Variants in PLXNB1 observed in about 807,000 individuals in gnomAD.
PLXNB1 encodes the protein plexin-B1.
PLXNB1 carries 106 observed loss-of-function variants against 209.4 expected under a neutral mutation model. The ratio of observed to expected loss-of-function variants is 0.51; its 90% CI spans 0.43 to 0.59. The LOEUF (loss-of-function observed/expected upper bound fraction) is 0.59, where lower values mean the gene tolerates loss of function less well. Ranked by LOEUF, PLXNB1 falls within the 20% of genes least tolerant of loss-of-function variation. The pLI, the probability that PLXNB1 is intolerant of heterozygous loss-of-function variation, is 0.00. For missense variants in PLXNB1, 2,357 were observed against 2,853.2 expected (o/e 0.83, Z 3.96); for synonymous variants, 1,167 against 1,183.2 (o/e 0.99, Z 0.28).
At chr3:48,426,840 C>T (rs1292817571) in intron 1 of PLXNB1, among the ~76,000 whole-genome samples, 2 of 152,170 alleles carry the variant, frequency 1.3e-5, no homozygotes, top group East Asian at 1.9e-4. Context: ...AGGACTGTGG[C>T]AAGACCAGGC....
chr3:48,425,514 A>G (rs1411348987), intron 1 of PLXNB1, among the ~76,000 whole-genome samples, 181 bp from the exon 2 acceptor site: 2 of 151,916 alleles, frequency 1.3e-5, no homozygotes, highest in East Asian at 1.9e-4. Flanking sequence ...ACGCCTCCTC[A>G]GAGCCCACAT....
chr3:48,422,643 G>A, intron 4 of PLXNB1, 122 bp downstream of exon 4: 1 of 1,258,442 alleles, frequency 7.9e-7, no homozygotes, highest in African/African-American at 1.5e-5. Context: ...GTCCTGGGGA[G>A]AGGAGCTCAG....
rs539617141 is a variant in PLXNB1 at position 48,413,570 on chromosome 3, T to C, written c.4535+100A>G. 6.4e-6 allele frequency: 8 copies of C among 1,253,450 alleles called. No homozygotes were observed. In the South Asian group the frequency reaches 1.1e-4, roughly 17 times the overall value. 77.6% of individuals were successfully genotyped at this position (1,253,450 alleles called of 1,614,324 possible). On this transcript the variant is annotated intron_variant, in intron 23 of 37. Transcript: ENST00000296440. The surrounding 1 kb of genome is among the most constrained non-coding windows in gnomAD (Gnocchi z 5.4). ...GCGAAAATATTTACTCTCTGGCCAT[T>C]TACAGAGAATGTTTCCTGACTCCTG...
chr3:48,418,313 T>C lies in PLXNB1; in HGVS notation c.3100A>G (p.Thr1034Ala), dbSNP rs1380340679. 1.2e-6 allele frequency: 2 copies of C among 1,613,760 alleles called. No homozygotes were observed. Among genetic ancestry groups the C allele is most frequent in the East Asian group, 2.2e-5 (1 of 44,882 alleles). The change falls in exon 15 of 38, where the codon ACT becomes GCT. Residue 1034 changes from threonine to alanine, a missense_variant. Around this residue, in one of 7 missense-constraint regions of PLXNB1, gnomAD observed 743 missense variants for 896.2 expected, o/e 0.83. Transcript: ENST00000296440. The surrounding 1 kb of genome is among the most constrained non-coding windows in gnomAD (Gnocchi z 6.6). ...ACACAGCCATACTGGGGCATGGCAG[T>C]TTGGCAGCGGCTGCAGTCTCCATGT... ...VGHGDCSRCQ[T>A]AMPQYGCVWC... is the part of the protein sequence containing the mutation.
intron 21 of PLXNB1, 71 bp from the exon 22 acceptor site, chr3:48,414,142 A>C (rs1192253942): frequency 1.3e-6 from 2 of 1,490,872 alleles, no homozygotes; most frequent in Non-Finnish European, 1.9e-6. Flanking sequence ...AAATGTGGGA[A>C]GGACCCTGAG....
rs766094808 is a variant in PLXNB1, at chr3:48,416,045, G to A, written c.3603C>T (p.Asp1201=). 6.2e-7 allele frequency: 1 copy of A among 1,603,740 alleles called. No homozygotes were observed. Among genetic ancestry groups the A allele is most frequent in the Non-Finnish European group, 8.5e-7 (1 of 1,175,460 alleles). ...GTGGCCCTCACAAGTGACAAGGCTGGTCTCCAACCACCACTCGGATGTCCT... is the reference window on the plus strand; with the variant it reads ...GTGGCCCTCACAAGTGACAAGGCTGATCTCCAACCACCACTCGGATGTCCT... ...RLEDIRVVVG[D]QPCHLLPEQQ... is the part of the protein sequence containing the mutation. Residue 1201 remains aspartate, a synonymous_variant, in exon 18 of 38, where the codon GAC becomes GAT. Coordinates refer to ENST00000296440, the MANE Select transcript of PLXNB1 (RefSeq NM_001130082.3). This position sits in a 1 kb window ranked among gnomAD's most constrained non-coding sequence, Gnocchi z 4.1.
At chr3:48,424,729 G>C in intron 2 of PLXNB1, 112 bp from the exon 3 acceptor site, 1 of 1,155,562 alleles carries the variant, frequency 8.7e-7, no homozygotes, top group Non-Finnish European at 1.2e-6. Flanking sequence ...CCTAACCTAG[G>C]GGGTGAGCAG....
intron 10 of PLXNB1, 63 bp downstream of exon 10, chr3:48,420,602 G>A: frequency 7.4e-7 from 1 of 1,350,078 alleles, no homozygotes; most frequent in Non-Finnish European, 1.1e-6. Context: ...CGGGCCATGA[G>A]AAAAACTCTC....
intron 10 of PLXNB1, 21 bp downstream of exon 10, chr3:48,420,644 C>T (rs533072903): frequency 6.2e-7 from 1 of 1,600,566 alleles, no homozygotes; most frequent in Admixed American, 1.7e-5. Flanking sequence ...CCGGTATGGC[C>T]CAGCCCAAAG....
chr3:48,424,590 G>GA lies in PLXNB1; in HGVS notation c.21dup (p.Leu8SerfsTer79), dbSNP rs1250029028. 8 of 1,541,336 alleles carry GA rather than the reference G, an allele frequency of 5.2e-6. No homozygotes were observed. The highest frequency in any genetic ancestry group is 6.1e-6 in the Non-Finnish European group (7 of 1,148,008). On this transcript the variant is annotated frameshift_variant, in exon 3 of 38. Coordinates refer to ENST00000296440, the MANE Select transcript of PLXNB1 (RefSeq NM_001130082.3). LOFTEE classifies it high-confidence loss of function. ...CACCCGGCCCAGAGAGCCTGGAGAA[G>GA]AGCTGGGCCCAGAGCAGGCATGGTC...
In PLXNB1 at chr3:48,410,937, T is replaced by A; in HGVS notation, c.5347A>T (p.Lys1783Ter). ...CCTTTATAAAGCTGGTCCAGCATCTTCTCCTTTGCCTGGGAGATGGTGTCA... is the reference window on the plus strand; with the variant it reads ...CCTTTATAAAGCTGGTCCAGCATCTACTCCTTTGCCTGGGAGATGGTGTCA... Reference protein sequence around the residue: ...DCDTISQAKEKMLDQLYKGVP... With the variant: ...DCDTISQAKE Residue 1783 changes from lysine to a stop codon, truncating the protein, a stop_gained, in exon 29 of 38, where the codon AAG becomes TAG. Coordinates refer to ENST00000296440, the MANE Select transcript of PLXNB1 (RefSeq NM_001130082.3). LOFTEE classifies it high-confidence loss of function. This position sits in a 1 kb window ranked among gnomAD's most constrained non-coding sequence, Gnocchi z 6.4. 1 of 1,613,818 alleles carries A rather than the reference T, an allele frequency of 6.2e-7. No individual in the cohort carries two copies. Among genetic ancestry groups the A allele is most frequent in the Non-Finnish European group, 8.5e-7 (1 of 1,179,906 alleles).
chr3:48,406,480 G>C lies in PLXNB1; in HGVS notation c.6228+343C>G, dbSNP rs1038678982. On this transcript the variant is annotated intron_variant, in intron 36 of 37. Coordinates refer to ENST00000296440, the MANE Select transcript of PLXNB1 (RefSeq NM_001130082.3). This position sits in a 1 kb window ranked among gnomAD's most constrained non-coding sequence, Gnocchi z 4.4. ...CGGTTTCAGGAATGGGAGAGGTGAA[G>C]GGGACACCTGTGCCACCAAGGGAAG... 1 of 656,908 alleles carries C rather than the reference G, an allele frequency of 1.5e-6. No individual in the cohort carries two copies. The allele number at this position is 656,908 out of a possible 1,614,324, so 40.7% of individuals were successfully genotyped here.
Position 48,422,444 on chromosome 3 carries a change from C to G in PLXNB1, c.1306G>C (p.Gly436Arg). ...GTGGAGTATGGGTGGCCATCGCTCC[C>G]TGGGCCCAAGTAGACCTGGGATCAG... Reference protein sequence around the residue: ...GQLHRVYLGPGSDGHPYSTQS... With the variant: ...GQLHRVYLGPRSDGHPYSTQS... Residue 436 changes from glycine to arginine, a missense_variant, in exon 5 of 38, where the codon GGG (glycine) becomes CGG (arginine). By Grantham distance (125) the Gly-to-Arg change is moderately radical. Around this residue, in one of 7 missense-constraint regions of PLXNB1, gnomAD observed 404 missense variants for 443.6 expected, o/e 0.91. Transcript: ENST00000296440. 1 of 1,592,032 alleles carries G rather than the reference C, an allele frequency of 6.3e-7. No homozygotes were observed.
In PLXNB1 at chr3:48,414,961, G is replaced by C. The variant is rs1445619451; in HGVS notation, c.4047C>G (p.Pro1349=). The change falls in exon 21 of 38, where the codon CCC becomes CCG. Residue 1349 remains proline, a synonymous_variant. Transcript: ENST00000296440. ...TPALPGLPED[P]WVRVEFILDN... ...CAAGGATAAATTCCACCCGGACCCA[G>C]GGGTCCTCAGGCAGGCCTGGGAGGG... The C allele has an allele frequency of 1.9e-6, 3 of 1,613,776 alleles. No individual in the cohort carries two copies. The highest frequency in any genetic ancestry group is 3.3e-5 in the Admixed American group (2 of 60,004).
rs1369485151 is a variant in PLXNB1, at chr3:48,417,188, T to C, written c.3374+723A>G. Among the ~76,000 whole-genome samples the C allele has an allele frequency of 6.6e-6, 1 of 152,242 alleles. No individual in the cohort carries two copies. Among genetic ancestry groups the C allele is most frequent in the Non-Finnish European group, 1.5e-5 (1 of 68,046 alleles). On this transcript the variant is annotated intron_variant, in intron 16 of 37. Coordinates refer to ENST00000296440, the MANE Select transcript of PLXNB1 (RefSeq NM_001130082.3). This position sits in a 1 kb window ranked among gnomAD's most constrained non-coding sequence, Gnocchi z 4.4. The stretch of plus-strand genomic sequence containing the variant: ...CGGTCATAACACATTCAGGGGACAC[T>C]CCGTGCTCCAGGAGAGTGGTTCCTT...
In PLXNB1 at chr3:48,424,406, G is replaced by A. The variant is rs879840438; in HGVS notation, c.206C>T (p.Ser69Phe). The change falls in exon 3 of 38, where the codon TCC becomes TTC. Residue 69 changes from serine (S) to phenylalanine (F), a missense_variant. Ser to Phe is a radical substitution (Grantham distance 155). Transcript: ENST00000296440. ...CCTGCTGTCTAGCACAGGGCCGGTG[G>A]ACACTGTGGCCTCCAGCTGCAGCCC... is the stretch of plus-strand genomic sequence containing the variant. Reference protein sequence around the residue: ...SPGLQLEATVSTGPVLDSRDC... With the variant: ...SPGLQLEATVFTGPVLDSRDC... 6.4e-7 allele frequency: 1 copy of A among 1,564,250 alleles called. No individual in the cohort carries two copies. The highest frequency in any genetic ancestry group is 8.7e-7 in the Non-Finnish European group (1 of 1,154,004).
Position 48,429,823 on chromosome 3 carries a change from C to T in PLXNB1, c.-60+185G>A, listed in dbSNP as rs2039102102. ...AGGAGCCGAGGCGGGGGGTCGCGCTCCGCACCCGCAGGTGCTGGTGGAACA... is the reference window on the plus strand; with the variant it reads ...AGGAGCCGAGGCGGGGGGTCGCGCTTCGCACCCGCAGGTGCTGGTGGAACA... On this transcript the variant is annotated intron_variant, in intron 1 of 37. Transcript: ENST00000296440. The surrounding 1 kb of genome is among the most constrained non-coding windows in gnomAD (Gnocchi z 6.4). 6.6e-6 allele frequency among the ~76,000 whole-genome samples: 1 copy of T among 152,150 alleles called. No homozygotes were observed. The highest frequency in any genetic ancestry group is 6.5e-5 in the Admixed American group (1 of 15,306).
chr3:48,412,722 G>C lies in PLXNB1; in HGVS notation c.4854+20C>G. 6.2e-7 allele frequency: 1 copy of C among 1,610,492 alleles called. No homozygotes were observed. The highest frequency in any genetic ancestry group is 8.5e-7 in the Non-Finnish European group (1 of 1,177,570). ...AGGGGCAGGGCCAGGGGCAGGCCAG[G>C]AAGATGCAGCTGGGGGTACCTTGGT... On this transcript the variant is annotated intron_variant, in intron 25 of 37. Transcript: ENST00000296440.
At chr3:48,426,445 C>A (rs1034047821) in intron 1 of PLXNB1, among the ~76,000 whole-genome samples, 1 of 152,214 alleles carries the variant, frequency 6.6e-6, no homozygotes, top group Non-Finnish European at 1.5e-5. Flanking sequence ...TTGCCCAGCC[C>A]CTCCCATCAC....
Sources: gnomAD v4.1 joint callset for allele counts (sites outside exome capture counted in the v4.1 genomes callset) on GRCh38, gnomAD v4.1.1 for gene constraint, gnomAD v4.1.1 regional missense constraint, Gnocchi (gnomAD v3.1) non-coding constraint, MANE v1.5 for transcripts, NCBI Gene and HGNC (gene_info 2026-07-23, HGNC 2026-07-21) for gene names.